MCOLN1: variants seen among roughly 807,000 people sequenced by gnomAD.
MCOLN1 encodes mucolipin-1.
In MCOLN1, 50 loss-of-function variants were observed where a neutral mutation model predicts 70.3. That is an observed-to-expected ratio of 0.71 (90% confidence interval 0.57 to 0.90). MCOLN1 has a LOEUF of 0.90. MCOLN1 is among the 40% of genes least tolerant of loss of function. The pLI is 0.00. For missense variants in MCOLN1, 598 were observed against 803.5 expected, an observed-to-expected ratio of 0.74 and a Z score of 3.09; for synonymous variants, 366 against 341.0, an observed-to-expected ratio of 1.07 and a Z score of -0.81.
chr19:7,530,592 A>C, intron 12 of MCOLN1, 91 bp downstream of exon 12: 1 of 1,202,536 alleles, frequency 8.3e-7, no homozygotes, highest in Non-Finnish European at 1.2e-6. Context: ...GGGTGAACAG[A>C]GAAGACCCAG....
chr19:7,533,342 G>A lies in MCOLN1; in HGVS notation c.1576-181G>A, dbSNP rs1030614048. 3.7e-5 allele frequency: 26 copies of A among 711,532 alleles called. No individual in the cohort carries two copies. The Admixed American group carries it at 5.2e-4, about 14-fold the overall frequency. 44.1% of individuals were successfully genotyped at this position (711,532 alleles called of 1,614,324 possible). A position where few individuals can be genotyped will look rare whatever the true frequency, so the allele number is the denominator to read the frequency against. The stretch of plus-strand genomic sequence containing the variant: ...AAGACACAGCTTGTATCCAGGTTCA[G>A]GGGTCAGGGAAGGTCCCTCTGTGCA... On this transcript the variant is annotated intron_variant, in intron 12 of 13. Transcript: ENST00000264079.
In MCOLN1 at chr19:7,528,153, C is replaced by T. The variant is rs1307955596; in HGVS notation, c.778-5C>T. The T allele has an allele frequency of 3.7e-6, 6 of 1,613,958 alleles. No individual in the cohort carries two copies. The highest frequency in any genetic ancestry group is 1.6e-4 in the Middle Eastern group (1 of 6,084). On this transcript the variant is annotated splice_polypyrimidine_tract_variant and splice_region_variant and intron_variant, in intron 6 of 13. Transcript: ENST00000264079. This position sits in a 1 kb window ranked among gnomAD's most constrained non-coding sequence, Gnocchi z 4.2. Reference sequence around the variant, plus strand: ...GTTTACTCTGCCCCCAACTGGCCCCCACAGATCACGTTTGACAACAAAGCA... The same window carrying T: ...GTTTACTCTGCCCCCAACTGGCCCCTACAGATCACGTTTGACAACAAAGCA...
rs2022710675 is a variant in MCOLN1, at chr19:7,533,787, G to T, written c.1735G>T (p.Val579Leu). 6.2e-7 allele frequency: 1 copy of T among 1,614,082 alleles called. No homozygotes were observed. Among genetic ancestry groups the T allele is most frequent in the African/African-American group, 1.3e-5 (1 of 74,932 alleles). Residue 579 changes from valine to leucine, a missense_variant, in exon 14 of 14, where the codon GTG becomes TTG. By Grantham distance (32) the Val-to-Leu change is conservative. Coordinates refer to ENST00000264079, the MANE Select transcript of MCOLN1 (RefSeq NM_020533.3). ...RDPSEEHSLL[V>L]N ...CCCCTCGGAGGAGCATTCGCTGCTG[G>T]TGAATTGATTCGACCTGACTGCCGT...
At chr19:7,527,466 A>C (rs1599253961) in intron 4 of MCOLN1, 54 bp from the exon 5 acceptor site, 1 of 811,376 alleles carries the variant, frequency 1.2e-6, no homozygotes, top group South Asian at 1.3e-5. Flanking sequence ...CTCTGGGGAG[A>C]CCAGCCTGGC....
At position 7,522,678 on chromosome 19, in the gene MCOLN1, C is replaced by T. The variant is rs1320339846; in HGVS notation, c.-73C>T. ...GCCGCGCCGCGAGGGAGCGAGGTCG[C>T]AGTGACAGCGGCGGGCGATCGGACC... is the stretch of plus-strand genomic sequence containing the variant. On this transcript the variant is annotated 5_prime_UTR_variant, in exon 1 of 14. The change creates a premature stop within an existing upstream ORF in the 5' untranslated region. Coordinates refer to ENST00000264079, the MANE Select transcript of MCOLN1 (RefSeq NM_020533.3). 48 of 1,396,574 alleles carry T rather than the reference C, an allele frequency of 3.4e-5. No homozygotes were observed. The highest frequency in any genetic ancestry group is 2.5e-4 in the Middle Eastern group (1 of 4,016). The allele number at this position is 1,396,574 out of a possible 1,614,324, so 86.5% of individuals were successfully genotyped here. A position where few individuals can be genotyped will look rare whatever the true frequency, so the allele number is the denominator to read the frequency against.
Position 7,522,760 on chromosome 19 carries a change from C to T in MCOLN1, c.10C>T (p.Pro4Ser), listed in dbSNP as rs1370472792. The change falls in exon 1 of 14, where the codon CCG (proline) becomes TCG (serine). Residue 4 changes from proline (P) to serine (S), a missense_variant. Around this residue, in one of 3 missense-constraint regions of MCOLN1, gnomAD observed 461 missense variants for 588.4 expected, o/e 0.78. Coordinates refer to ENST00000264079, the MANE Select transcript of MCOLN1 (RefSeq NM_020533.3). Reference sequence around the variant, plus strand: ...GCGCTCCCGCCCCAGCATGACAGCCCCGGCGGGTCCGCGCGGCTCAGGTGA... The same window carrying T: ...GCGCTCCCGCCCCAGCATGACAGCCTCGGCGGGTCCGCGCGGCTCAGGTGA... MTA[P>S]AGPRGSETER... The T allele has an allele frequency of 2.2e-5, 32 of 1,423,686 alleles. No individual in the cohort carries two copies. The highest frequency in any genetic ancestry group is 2.7e-5 in the Non-Finnish European group (29 of 1,092,076). 88.2% of individuals were successfully genotyped at this position (1,423,686 alleles called of 1,614,324 possible). A position where few individuals can be genotyped will look rare whatever the true frequency, so the allele number is the denominator to read the frequency against.
chr19:7,529,919 T>C (rs538872853), intron 11 of MCOLN1, among the ~76,000 whole-genome samples: 1 of 152,338 alleles, frequency 6.6e-6, no homozygotes, highest in Admixed American at 6.5e-5. Context: ...TCCTGCTCTA[T>C]CTACCCAGAC....
chr19:7,526,089 A>G lies in MCOLN1; in HGVS notation c.238-350A>G. ...AAAAGAAAAGAAAAGGGACCCAGTCATGGTACTTACCCTGAAAGTTTGGGT... is the reference window on the plus strand; with the variant it reads ...AAAAGAAAAGAAAAGGGACCCAGTCGTGGTACTTACCCTGAAAGTTTGGGT... On this transcript the variant is annotated intron_variant, in intron 2 of 13. Transcript: ENST00000264079. The surrounding 1 kb of genome is among the most constrained non-coding windows in gnomAD (Gnocchi z 4.6). 1 of 376,528 alleles carries G rather than the reference A, an allele frequency of 2.7e-6. No individual in the cohort carries two copies. The highest frequency in any genetic ancestry group is 2.3e-5 in the South Asian group (1 of 43,004). The allele number at this position is 376,528 out of a possible 1,614,324, so 23.3% of individuals were successfully genotyped here.
Position 7,526,903 on chromosome 19 carries a change from A to C in MCOLN1, c.548A>C (p.Asp183Ala). Residue 183 changes from aspartate to alanine, a missense_variant, in exon 4 of 14, where the codon GAC becomes GCC. By Grantham distance (126) the Asp-to-Ala change is moderately radical (BLOSUM62 -2). Coordinates refer to ENST00000264079, the MANE Select transcript of MCOLN1 (RefSeq NM_020533.3). This position sits in a 1 kb window ranked among gnomAD's most constrained non-coding sequence, Gnocchi z 4.6. Reference sequence around the variant, plus strand: ...GTGGACCCGGCCAACGACACATTTGACATTGATCCGATGGTGGTTACTGGT... The same window carrying C: ...GTGGACCCGGCCAACGACACATTTGCCATTGATCCGATGGTGGTTACTGGT... The part of the protein sequence containing the change: ...GHVDPANDTF[D>A]IDPMVVTDCI... 6.2e-7 allele frequency: 1 copy of C among 1,613,920 alleles called. No homozygotes were observed. The highest frequency in any genetic ancestry group is 8.5e-7 in the Non-Finnish European group (1 of 1,179,992).
At chr19:7,530,824 A>C (rs997827976) in intron 12 of MCOLN1, among the ~76,000 whole-genome samples, 2 of 151,966 alleles carry the variant, frequency 1.3e-5, no homozygotes. Flanking sequence ...ACTCACTGCA[A>C]CCTCCACCTC....
Position 7,522,743 on chromosome 19 carries a change from G to A in MCOLN1, c.-8G>A, listed in dbSNP as rs1168793419. The A allele has an allele frequency of 2.1e-6, 3 of 1,450,476 alleles. No homozygotes were observed. The highest frequency in any genetic ancestry group is 2.5e-5 in the Admixed American group (1 of 40,386). The allele number at this position is 1,450,476 out of a possible 1,614,324, so 89.9% of individuals were successfully genotyped here. The stretch of plus-strand genomic sequence containing the variant: ...GTACCCGCCTGCGTCCCGCGCTCCC[G>A]CCCCAGCATGACAGCCCCGGCGGGT... On this transcript the variant is annotated 5_prime_UTR_variant, in exon 1 of 14. Coordinates refer to ENST00000264079, the MANE Select transcript of MCOLN1 (RefSeq NM_020533.3).
chr19:7,527,555 C>G lies in MCOLN1; in HGVS notation c.607C>G (p.Pro203Ala). The change falls in exon 5 of 14, where the codon CCG becomes GCG. Residue 203 changes from proline to alanine, a missense_variant. Pro to Ala is a conservative substitution (Grantham distance 27). Coordinates refer to ENST00000264079, the MANE Select transcript of MCOLN1 (RefSeq NM_020533.3). ...GGTGGATCCCCCCGAGCGGCCCCCT[C>G]CGCCCCCCAGCGACGATCTCACCCT... is the stretch of plus-strand genomic sequence containing the variant. ...IQVDPPERPP[P>A]PPSDDLTLLE... The G allele has an allele frequency of 6.2e-7, 1 of 1,609,774 alleles. No individual in the cohort carries two copies. Among genetic ancestry groups the G allele is most frequent in the Non-Finnish European group, 8.5e-7 (1 of 1,175,990 alleles).
At chr19:7,532,910 G>C (rs1295553518) in intron 12 of MCOLN1, among the ~76,000 whole-genome samples, 1 of 152,136 alleles carries the variant, frequency 6.6e-6, no homozygotes, top group Non-Finnish European at 1.5e-5. Flanking sequence ...GCAGTGCACC[G>C]AGGGGAAGGA....
Position 7,530,484 on chromosome 19 carries a change from G to C in MCOLN1, c.1558G>C (p.Ala520Pro). 1.2e-6 allele frequency: 2 copies of C among 1,610,102 alleles called. No individual in the cohort carries two copies. The highest frequency in any genetic ancestry group is 1.7e-6 in the Non-Finnish European group (2 of 1,179,982). The change falls in exon 12 of 14, where the codon GCC becomes CCC. Residue 520 changes from alanine to proline, a missense_variant. Around this residue, in one of 3 missense-constraint regions of MCOLN1, gnomAD observed 78 missense variants for 156.2 expected, o/e 0.50. Coordinates refer to ENST00000264079, the MANE Select transcript of MCOLN1 (RefSeq NM_020533.3). ...LSLFIALITG[A>P]YDTIKHPGGA... ...CCTCTTCATCGCGCTCATCACCGGC[G>C]CCTACGACACCATCAAGGTCAGCCG...
rs752321334 is a variant in MCOLN1 at position 7,525,249 on chromosome 19, T to G, written c.237+83T>G. 1.6e-5 allele frequency: 21 copies of G among 1,333,014 alleles called. No individual in the cohort carries two copies. The South Asian group carries it at 2.5e-4, about 16-fold the overall frequency. 82.6% of individuals were successfully genotyped at this position (1,333,014 alleles called of 1,614,324 possible). A position where few individuals can be genotyped will look rare whatever the true frequency, so the allele number is the denominator to read the frequency against. On this transcript the variant is annotated intron_variant, in intron 2 of 13. Coordinates refer to ENST00000264079, the MANE Select transcript of MCOLN1 (RefSeq NM_020533.3). The surrounding 1 kb of genome is among the most constrained non-coding windows in gnomAD (Gnocchi z 4.2). ...TGAAGAGAGTCTTAAAGCAGCACTTTGGAAGGCCGAGGCCGGTGGATCGCT... is the reference window on the plus strand; with the variant it reads ...TGAAGAGAGTCTTAAAGCAGCACTTGGGAAGGCCGAGGCCGGTGGATCGCT...
In MCOLN1 at chr19:7,529,447, C is replaced by T. The variant is rs552911266; in HGVS notation, c.1237-143C>T. ...CGGACCCCCTCAGACGTGGCCACGC[C>T]CCCTCTAGGCACCCACTGGCTCCCA... On this transcript the variant is annotated intron_variant, in intron 10 of 13. Transcript: ENST00000264079. 175 of 1,122,278 alleles carry T rather than the reference C, an allele frequency of 1.6e-4. No individual in the cohort carries two copies. In the African/African-American group the frequency reaches 2.5e-3, roughly 16 times the overall value. 69.5% of individuals were successfully genotyped at this position (1,122,278 alleles called of 1,614,324 possible).
In MCOLN1 at chr19:7,529,726, C is replaced by T; in HGVS notation, c.1359+14C>T. 2 of 1,613,840 alleles carry T rather than the reference C, an allele frequency of 1.2e-6. No individual in the cohort carries two copies. Among genetic ancestry groups the T allele is most frequent in the Non-Finnish European group, 1.7e-6 (2 of 1,179,760 alleles). ...TATCATGTGAAGGTACATCTAACCCCTGATGTCCCTGACATTGACCCTGTG... is the reference window on the plus strand; with the variant it reads ...TATCATGTGAAGGTACATCTAACCCTTGATGTCCCTGACATTGACCCTGTG... On this transcript the variant is annotated intron_variant, in intron 11 of 13. Coordinates refer to ENST00000264079, the MANE Select transcript of MCOLN1 (RefSeq NM_020533.3).
intron 10 of MCOLN1, 90 bp from the exon 11 acceptor site, chr19:7,529,500 G>GGCC: frequency 4.7e-6 from 4 of 845,452 alleles, no homozygotes; most frequent in Non-Finnish European, 7.7e-6. Flanking sequence ...CCCTCGGCAA[G>GGCC]GCCCCGCCCC....
At position 7,529,109 on chromosome 19, in the gene MCOLN1, G is replaced by A. The variant is rs749784466; in HGVS notation, c.1143G>A (p.Ala381=). 5.0e-6 allele frequency: 8 copies of A among 1,613,794 alleles called. No homozygotes were observed. The highest frequency in any genetic ancestry group is 1.3e-5 in the African/African-American group (1 of 74,918). Residue 381 remains alanine (A), a synonymous_variant, in exon 10 of 14, where the codon GCG becomes GCA. Transcript: ENST00000264079. ...MKIGIEAKNL[A]SYDVCSILLG... is the part of the protein sequence containing the mutation. ...GCAGCTCCCACCCGCAGAACTTGGC[G>A]AGCTACGACGTCTGCAGCATCCTCC... is the stretch of plus-strand genomic sequence containing the variant.
Sources: allele counts gnomAD v4.1 joint callset (sites outside exome capture counted in the v4.1 genomes callset), GRCh38; gene constraint gnomAD v4.1.1; regional missense constraint gnomAD v4.1.1; non-coding constraint Gnocchi (gnomAD v3.1); transcripts MANE v1.5; gene names NCBI Gene and HGNC (gene_info 2026-07-23, HGNC 2026-07-21).